The following PKD2 variants were observed in gnomAD, a reference collection of about 807,000 sequenced individuals.
The protein encoded by PKD2 is polycystin-2.
A neutral mutation model predicts 105.9 loss-of-function variants in PKD2; 48 were observed. That is an observed-to-expected ratio of 0.45 (90% CI 0.36 to 0.58). The LOEUF is 0.58. PKD2 is among the 20% of genes least tolerant of loss of function. The pLI is 0.00. For synonymous variants in PKD2, 464 were observed against 481.1 expected (o/e 0.96, Z 0.46); for missense variants, 1,078 against 1,255.3 (o/e 0.86, Z 2.13).
intron 1 of PKD2, among the ~76,000 whole-genome samples, chr4:88,012,050 C>A (rs192429022): frequency 1.3e-5 from 2 of 152,322 alleles, no homozygotes; most frequent in African/African-American, 4.8e-5. Flanking sequence ...CCACCCCACA[C>A]ACACACACTA....
Position 88,038,457 on chromosome 4 carries a change from C to T in PKD2, c.1050C>T (p.Val350=), listed in dbSNP as rs767319449. ...AAGAGTGCTATGATGTCTACTCTGT[C>T]AGTAGTGAAGATAGGGCTCCCTTTG... The part of the protein sequence containing the change: ...EIKECYDVYS[V]SSEDRAPFGP... Residue 350 remains valine, a synonymous_variant, in exon 4 of 15, where the codon GTC becomes GTT. Transcript: ENST00000237596. 1.1e-5 allele frequency: 18 copies of T among 1,613,208 alleles called. No individual in the cohort carries two copies. In the African/African-American group the frequency reaches 1.5e-4, roughly 13 times the overall value.
At chr4:88,074,086 A>C (rs1211955031) in intron 13 of PKD2, among the ~76,000 whole-genome samples, 1 of 152,146 alleles carries the variant, frequency 6.6e-6, no homozygotes, top group East Asian at 1.9e-4. Flanking sequence ...TTAGAATTTT[A>C]TTGTATGGAT....
In PKD2 at chr4:88,068,036, G is replaced by A. The variant is rs1421926369; in HGVS notation, c.2497G>A (p.Gly833Ser). 1.2e-6 allele frequency: 2 copies of A among 1,614,116 alleles called. No homozygotes were observed. Among genetic ancestry groups the A allele is most frequent in the African/African-American group, 1.3e-5 (1 of 75,042 alleles). ...CAGAAGGAGGGGAAGCATTTCTAGT[G>A]GCGTTTCTTACGAAGAGTTTCAAGT... ...SSRRRGSISS[G>S]VSYEEFQVLV... Residue 833 changes from glycine (G) to serine (S), a missense_variant, in exon 13 of 15, where the codon GGC (glycine) becomes AGC (serine). This residue lies in a region of PKD2 where 868 missense variants were observed against 1,067.3 expected (regional missense o/e 0.81). Coordinates refer to ENST00000237596, the MANE Select transcript of PKD2 (RefSeq NM_000297.4).
In PKD2 at chr4:88,007,999, G is replaced by A; in HGVS notation, c.266G>A (p.Arg89His). ...TCGTGCTCCCGGCAGGCGTGGAGCC[G>A]CGATAACCCCGGCTTCGAGGCCGAG... ...LSSCSRQAWS[R>H]DNPGFEAEEE... The change falls in exon 1 of 15, where the codon CGC (arginine) becomes CAC (histidine). Residue 89 changes from arginine to histidine, a missense_variant. Coordinates refer to ENST00000237596, the MANE Select transcript of PKD2 (RefSeq NM_000297.4). The A allele has an allele frequency of 2.0e-6, 3 of 1,515,558 alleles. No homozygotes were observed. Among genetic ancestry groups the A allele is most frequent in the Non-Finnish European group, 2.6e-6 (3 of 1,136,270 alleles). 93.9% of individuals were successfully genotyped at this position (1,515,558 alleles called of 1,614,324 possible).
At chr4:88,044,893 A>C (rs1367714221) in intron 5 of PKD2, among the ~76,000 whole-genome samples, 1 of 152,200 alleles carries the variant, frequency 6.6e-6, no homozygotes, top group Admixed American at 6.5e-5. Flanking sequence ...TGGCCAAAAA[A>C]AAAGAAAGAA....
At chr4:88,073,916 C>T (rs1357288783) in intron 13 of PKD2, among the ~76,000 whole-genome samples, 1 of 152,034 alleles carries the variant, frequency 6.6e-6, no homozygotes, top group African/African-American at 2.4e-5. Flanking sequence ...CTTTGGCTTA[C>T]GAGTTTTTAA....
intron 4 of PKD2, among the ~76,000 whole-genome samples, chr4:88,039,453 T>C (rs879293784): frequency 3.3e-5 from 5 of 151,970 alleles, no homozygotes; most frequent in Non-Finnish European, 7.4e-5. Flanking sequence ...TCACTTGAGG[T>C]CAGGAGTTCA....
At chr4:88,050,264 G>A (rs910806744) in intron 6 of PKD2, among the ~76,000 whole-genome samples, 15 of 152,172 alleles carry the variant, frequency 9.9e-5, no homozygotes, top group South Asian at 8.3e-4. Context: ...GTGAACCACC[G>A]CGCCTGGCCC....
chr4:88,025,451 T>TA (rs1051367194), intron 2 of PKD2, among the ~76,000 whole-genome samples: 1 of 149,070 alleles, frequency 6.7e-6, no homozygotes, highest in African/African-American at 2.5e-5. Context: ...GTCAAAAAAG[T>TA]AAAAAAATAA....
Position 88,067,878 on chromosome 4 carries a change from A to G in PKD2, c.2359-20A>G, listed in dbSNP as rs918263112. On this transcript the variant is annotated intron_variant, in intron 12 of 14. Coordinates refer to ENST00000237596, the MANE Select transcript of PKD2 (RefSeq NM_000297.4). Reference sequence around the variant, plus strand: ...GGTCTCAGTGTTCTGCTCCTCACTCAGTGACCCCTTGTTCTTCAGGAGGAC... The same window carrying G: ...GGTCTCAGTGTTCTGCTCCTCACTCGGTGACCCCTTGTTCTTCAGGAGGAC... 3 of 1,611,332 alleles carry G rather than the reference A, an allele frequency of 1.9e-6. No homozygotes were observed. The highest frequency in any genetic ancestry group is 4.5e-5 in the East Asian group (2 of 44,796).
At chr4:88,014,557 A>G (rs1270094018) in intron 1 of PKD2, among the ~76,000 whole-genome samples, 1 of 152,206 alleles carries the variant, frequency 6.6e-6, no homozygotes, top group Non-Finnish European at 1.5e-5. Flanking sequence ...TCTATAGAAA[A>G]TGGACAAATA....
At chr4:88,048,669 A>C (rs1727864133) in intron 6 of PKD2, among the ~76,000 whole-genome samples, 1 of 152,172 alleles carries the variant, frequency 6.6e-6, no homozygotes, top group Non-Finnish European at 1.5e-5. Context: ...ATTCCTGTAG[A>C]ATAGATGGTG....
At chr4:88,024,507 GA>G (rs1321116601) in intron 2 of PKD2, among the ~76,000 whole-genome samples, 29 of 79,770 alleles carry the variant, frequency 3.6e-4, no homozygotes, top group East Asian at 6.2e-4. Context: ...AGGAAGGAAA[GA>G]AAAAAAAAGG....
chr4:88,064,049 A>G (rs1481488609), intron 10 of PKD2, among the ~76,000 whole-genome samples: 14 of 152,058 alleles, frequency 9.2e-5, no homozygotes, highest in African/African-American at 2.7e-4. Context: ...CAGCTACTCA[A>G]GTGGCTGAGG....
At chr4:88,054,399 C>CAA (rs201113474) in intron 7 of PKD2, among the ~76,000 whole-genome samples, 5 of 75,826 alleles carry the variant, frequency 6.6e-5, no homozygotes, top group South Asian at 4.2e-4. Context: ...CACTTCGTCT[C>CAA]AAAAAAAAAA....
rs537556398 is a variant in PKD2 at position 88,049,090 on chromosome 4, A to G, written c.1548+2220A>G. ...ATTTTAACCAAAGAACTCAATATCAACAAAAGACTAGTCAGTGGTATTCAC... is the reference window on the plus strand; with the variant it reads ...ATTTTAACCAAAGAACTCAATATCAGCAAAAGACTAGTCAGTGGTATTCAC... On this transcript the variant is annotated intron_variant, in intron 6 of 14. Transcript: ENST00000237596. 4.6e-5 allele frequency among the ~76,000 whole-genome samples: 7 copies of G among 152,368 alleles called. No individual in the cohort carries two copies. In the South Asian group the frequency reaches 6.2e-4, roughly 14 times the overall value.
rs1726429934 is a variant in PKD2 at position 88,012,760 on chromosome 4, T to C, written c.595+4432T>C. Among the ~76,000 whole-genome samples, 3 of 152,092 alleles carry C rather than the reference T, an allele frequency of 2.0e-5. No individual in the cohort carries two copies. The South Asian group carries it at 6.2e-4, about 32-fold the overall frequency. ...CCCCTTGCCCCAGACGCTAGTAACC[T>C]CCATTCTACTTCCCCTTTCTGTGAG... On this transcript the variant is annotated intron_variant, in intron 1 of 14. Coordinates refer to ENST00000237596, the MANE Select transcript of PKD2 (RefSeq NM_000297.4).
chr4:88,028,964 C>T (rs887889409), intron 2 of PKD2, among the ~76,000 whole-genome samples: 2 of 152,206 alleles, frequency 1.3e-5, no homozygotes, highest in African/African-American at 4.8e-5. Context: ...ATTTTCCTCA[C>T]AATTTTAAAA....
chr4:88,057,656 G>A (rs1010065650), intron 8 of PKD2, among the ~76,000 whole-genome samples: 5 of 151,770 alleles, frequency 3.3e-5, no homozygotes, highest in African/African-American at 9.7e-5. Context: ...GGCTGTTCTC[G>A]AACTCCTGAC....
Sources: allele counts gnomAD v4.1 joint callset (sites outside exome capture counted in the v4.1 genomes callset), GRCh38; gene constraint gnomAD v4.1.1; regional missense constraint gnomAD v4.1.1; transcripts MANE v1.5; gene names NCBI Gene and HGNC (gene_info 2026-07-23, HGNC 2026-07-21).